Variants in KIAA1217 observed in about 807,000 individuals in gnomAD.
The protein encoded by KIAA1217 is sickle tail protein homolog.
A neutral mutation model predicts 163.9 loss-of-function variants in KIAA1217; 88 were observed. The observed-to-expected ratio is 0.54, with a 90% confidence interval of 0.45 to 0.64. KIAA1217 has a LOEUF of 0.64. Among genes scored for constraint, KIAA1217 ranks in the 30% least tolerant of loss-of-function variants. KIAA1217 has a pLI of 0.00. For missense variants in KIAA1217, 2,372 were observed against 2,475.0 expected, an observed-to-expected ratio of 0.96 and a Z score of 0.88; for synonymous variants, 903 against 923.1, an observed-to-expected ratio of 0.98 and a Z score of 0.39.
At chr10:24,336,861 CA>C (rs971067678) in intron 2 of KIAA1217, among the ~76,000 whole-genome samples, 7 of 151,928 alleles carry the variant, frequency 4.6e-5, no homozygotes, top group Non-Finnish European at 8.8e-5. Context: ...TATCCACATG[CA>C]AAAAAATAAA....
In KIAA1217 at chr10:23,726,979, CTTTTTTTTT is replaced by C. The variant is rs1012125050; in HGVS notation, c.-321+31763_-321+31771del. On this transcript the variant is annotated intron_variant, in intron 1 of 18. Transcript: ENST00000376462. ...ATTTCCATGCCATTTGTATAGGCCT[CTTTTTTTTT>C]TTTTTTTTTTTTTTTTTGAGACAGA... Among the ~76,000 whole-genome samples the C allele has an allele frequency of 4.3e-5, 4 of 93,416 alleles. No homozygotes were observed. The South Asian group carries it at 1.0e-3, about 24-fold the overall frequency. The allele number at this position is 93,416 out of a possible 152,430, so 61.3% of individuals were successfully genotyped here.
chr10:24,039,856 A>G (rs566119249), intron 2 of KIAA1217, among the ~76,000 whole-genome samples: 23 of 151,562 alleles, frequency 1.5e-4, no homozygotes, highest in African/African-American at 4.4e-4. Flanking sequence ...ATAATCTCCC[A>G]CTGGCTCTGT....
intron 5 of KIAA1217, 60 bp downstream of exon 5, chr10:24,438,539 C>T: frequency 9.1e-7 from 1 of 1,102,088 alleles, no homozygotes; most frequent in Non-Finnish European, 1.4e-6. Context: ...CCTCCTCTTG[C>T]TTGTACTCCT....
intron 1 of KIAA1217, among the ~76,000 whole-genome samples, chr10:23,938,576 A>G (rs11013799): frequency 0.2 from 30,404 of 152,244 alleles, 3,307 homozygotes; most frequent in Middle Eastern, 0.27. Flanking sequence ...ATAATACAGC[A>G]TACAACTATT....
intron 2 of KIAA1217, among the ~76,000 whole-genome samples, chr10:24,173,930 C>G (rs2065749862): frequency 6.6e-6 from 1 of 152,150 alleles, no homozygotes; most frequent in Non-Finnish European, 1.5e-5. Flanking sequence ...TTCCATGTGC[C>G]CCTCAGGCAT....
intron 3 of KIAA1217, among the ~76,000 whole-genome samples, chr10:24,413,452 A>G (rs1375359487): frequency 6.6e-6 from 1 of 152,136 alleles, no homozygotes; most frequent in African/African-American, 2.4e-5. Flanking sequence ...GATTACAGGC[A>G]TGAGCCACCA....
At chr10:24,542,435 A>G in intron 17 of KIAA1217, 2 of 1,095,968 alleles carry the variant, frequency 1.8e-6, no homozygotes, top group South Asian at 4.0e-5. Context: ...TATTTTCTTC[A>G]CCACTCCCCT....
chr10:23,868,393 C>T (rs1840295992), intron 1 of KIAA1217, among the ~76,000 whole-genome samples: 1 of 152,142 alleles, frequency 6.6e-6, no homozygotes, highest in Non-Finnish European at 1.5e-5. Flanking sequence ...ACACTCAATT[C>T]AGTGCTTGCA....
At chr10:24,029,720 A>G (rs2131533750) in intron 2 of KIAA1217, among the ~76,000 whole-genome samples, 2 of 150,962 alleles carry the variant, frequency 1.3e-5, no homozygotes, top group Non-Finnish European at 1.5e-5. Flanking sequence ...TTCTGAAAAG[A>G]TCTTCTCAGA....
chr10:24,112,807 C>T (rs1162917715), intron 2 of KIAA1217, among the ~76,000 whole-genome samples: 3 of 151,862 alleles, frequency 2.0e-5, no homozygotes, highest in African/African-American at 7.3e-5. Context: ...AGGACGGTCT[C>T]GATCTCCTGA....
rs752629308 is a variant in KIAA1217, at chr10:23,876,885, C to G, written c.-320-130340C>G. ...GATGACAACAATAAAGGGTGAGTTA[C>G]GAAGAGTTCGGTTTAGGGTGAGCGG... On this transcript the variant is annotated intron_variant, in intron 1 of 18. Transcript: ENST00000376462. Among the ~76,000 whole-genome samples, 14 of 151,984 alleles carry G rather than the reference C, an allele frequency of 9.2e-5. No homozygotes were observed. The East Asian group carries it at 9.8e-4, about 11-fold the overall frequency.
chr10:23,844,806 G>C (rs1838943535), intron 1 of KIAA1217, among the ~76,000 whole-genome samples: 1 of 151,546 alleles, frequency 6.6e-6, no homozygotes, highest in Admixed American at 6.6e-5. Context: ...TTGTTACATA[G>C]GTATACACAT....
intron 1 of KIAA1217, among the ~76,000 whole-genome samples, chr10:23,750,913 G>A (rs1202482065): frequency 1.3e-5 from 2 of 151,868 alleles, no homozygotes; most frequent in African/African-American, 4.8e-5. Context: ...TTCTACTCAT[G>A]ATGTGCTGAC....
chr10:24,121,781 G>A (rs1301899288), intron 2 of KIAA1217, among the ~76,000 whole-genome samples: 1 of 152,030 alleles, frequency 6.6e-6, no homozygotes, highest in Non-Finnish European at 1.5e-5. Context: ...AGTCACTGGG[G>A]GTTACTAACA....
chr10:23,908,769 G>C (rs1842295624), intron 1 of KIAA1217, among the ~76,000 whole-genome samples: 1 of 152,148 alleles, frequency 6.6e-6, no homozygotes, highest in Non-Finnish European at 1.5e-5. Flanking sequence ...CATGCATGCG[G>C]TGAACAGGGA....
At chr10:23,850,538 T>C (rs1839259070) in intron 1 of KIAA1217, among the ~76,000 whole-genome samples, 1 of 152,082 alleles carries the variant, frequency 6.6e-6, no homozygotes, top group Non-Finnish European at 1.5e-5. Context: ...TGACACACCT[T>C]TGTGGGCCCA....
At chr10:23,793,262 A>G (rs79087285) in intron 1 of KIAA1217, among the ~76,000 whole-genome samples, 28,399 of 152,046 alleles carry the variant, frequency 0.19, 2,786 homozygotes, top group Middle Eastern at 0.28. Context: ...AGTGGAGAGG[A>G]CCCAGAAAAC....
intron 1 of KIAA1217, among the ~76,000 whole-genome samples, chr10:23,749,568 C>T (rs562044457): frequency 1.3e-5 from 2 of 152,228 alleles, no homozygotes; most frequent in East Asian, 3.9e-4. Flanking sequence ...CTACCATGCC[C>T]AGCTGATTTT....
chr10:23,987,364 G>A (rs1216966404), intron 1 of KIAA1217, among the ~76,000 whole-genome samples: 3 of 116,572 alleles, frequency 2.6e-5, no homozygotes, highest in South Asian at 3.2e-4. Context: ...GCGACACAGC[G>A]AGACTCCATC....
Sources: gnomAD v4.1 joint callset for allele counts (sites outside exome capture counted in the v4.1 genomes callset) on GRCh38, gnomAD v4.1.1 for gene constraint, MANE v1.5 for transcripts, NCBI Gene and HGNC (gene_info 2026-07-23, HGNC 2026-07-21) for gene names.